Variants in RBPJ observed in about 807,000 individuals in gnomAD.
The protein encoded by RBPJ is recombination signal binding protein for immunoglobulin kappa J region, also known as recombining binding protein suppressor of hairless.
In RBPJ, 9 loss-of-function variants were observed where a neutral mutation model predicts 67.8. The observed-to-expected ratio is 0.13, with a 90% confidence interval of 0.08 to 0.23. The LOEUF (loss-of-function observed/expected upper bound fraction) is 0.23, where lower values mean the gene tolerates loss of function less well. Among genes scored for constraint, RBPJ ranks in the 10% least tolerant of loss-of-function variants. The pLI, the probability that RBPJ is intolerant of heterozygous loss-of-function variation, is 1.00. For synonymous variants in RBPJ, 198 were observed against 203.3 expected, an observed-to-expected ratio of 0.97 and a Z score of 0.22; for missense variants, 305 against 595.6, an observed-to-expected ratio of 0.51 and a Z score of 5.08.
chr4:26,316,482 C>CATAT (rs1315318845), upstream of RBPJ, among the ~76,000 whole-genome samples: 1 of 73,810 alleles, frequency 1.4e-5, no homozygotes, highest in Non-Finnish European at 2.6e-5. Flanking sequence ...TTCATATATA[C>CATAT]ATATTCATAT....
chr4:26,350,394 T>TTTCA (rs1045424598), intron 1 of RBPJ, among the ~76,000 whole-genome samples: 4 of 151,148 alleles, frequency 2.6e-5, no homozygotes, highest in Admixed American at 2.6e-4. Flanking sequence ...CCAAGTCATA[T>TTTCA]TTCAGTCTTT....
At position 26,346,778 on chromosome 4, in the gene RBPJ, G is replaced by A. The variant is rs1726195979; in HGVS notation, c.20+25730G>A. On this transcript the variant is annotated intron_variant, in intron 1 of 10. Coordinates refer to ENST00000355476, the MANE Select transcript of RBPJ (RefSeq NM_015874.6). ...AGGCCGAGGCGGGTGGATCACCTGAGGTCAGGAGTTTGAGACCAGCCTGGC... is the reference window on the plus strand; with the variant it reads ...AGGCCGAGGCGGGTGGATCACCTGAAGTCAGGAGTTTGAGACCAGCCTGGC... Among the ~76,000 whole-genome samples, 5 of 152,262 alleles carry A rather than the reference G, an allele frequency of 3.3e-5. No individual in the cohort carries two copies. The South Asian group carries it at 1.0e-3, about 32-fold the overall frequency.
At position 26,406,217 on chromosome 4, in the gene RBPJ, A is replaced by G. The variant is rs745827244; in HGVS notation, c.102A>G (p.Thr34=). The stretch of plus-strand genomic sequence containing the variant: ...ATTTAAAAGAGCGAGGGGATCAAAC[A>G]GTACTTATTCTTCATGCAAAAGTTG... ...RNYLKERGDQ[T]VLILHAKVAQ... The change falls in exon 3 of 11, where the codon ACA becomes ACG. Residue 34 remains threonine (T), a synonymous_variant. Transcript: ENST00000355476. The G allele has an allele frequency of 6.2e-7, 1 of 1,613,042 alleles. No individual in the cohort carries two copies. Among genetic ancestry groups the G allele is most frequent in the East Asian group, 2.2e-5 (1 of 44,820 alleles).
chr4:26,107,105 A>G, the RBPJ span, among the ~76,000 whole-genome samples: 12 of 152,362 alleles, frequency 7.9e-5, no homozygotes, highest in Non-Finnish European at 5.9e-5. Context: ...GTAGTAAAAA[A>G]GAATTGAGAG....
chr4:26,318,467 TACGGAAAGGTG>T (rs1224040639), upstream of RBPJ, among the ~76,000 whole-genome samples: 1 of 151,804 alleles, frequency 6.6e-6, no homozygotes, highest in African/African-American at 2.4e-5. Flanking sequence ...GCAATAAAAA[TACGGAAAGGTG>T]ACGGAAAGCA....
rs1296928674 is a variant in RBPJ at position 26,351,411 on chromosome 4, G to T, written c.20+30363G>T. On this transcript the variant is annotated intron_variant, in intron 1 of 10. Coordinates refer to ENST00000355476, the MANE Select transcript of RBPJ (RefSeq NM_015874.6). Reference sequence around the variant, plus strand: ...AGAATGCTTTGTTTATTTTTTGGTGGGGGGTGGGTGACTGGGTCTTGCCCT... The same window carrying T: ...AGAATGCTTTGTTTATTTTTTGGTGTGGGGTGGGTGACTGGGTCTTGCCCT... 3.3e-5 allele frequency among the ~76,000 whole-genome samples: 5 copies of T among 152,112 alleles called. No homozygotes were observed. The East Asian group carries it at 9.6e-4, about 29-fold the overall frequency.
chr4:26,183,708 T>C (rs1560200865), intron 1 of RBPJ, among the ~76,000 whole-genome samples: 1 of 152,104 alleles, frequency 6.6e-6, no homozygotes. Context: ...AGATGGTCTG[T>C]CCTGTTAAAG....
intron 1 of RBPJ, among the ~76,000 whole-genome samples, chr4:26,197,157 G>A (rs560309139): frequency 3.9e-5 from 6 of 152,286 alleles, no homozygotes; most frequent in South Asian, 2.1e-4. Context: ...GATCAAGTAA[G>A]TGGACTTCAA....
chr4:26,205,900 A>T (rs922975661), intron 1 of RBPJ, among the ~76,000 whole-genome samples: 2 of 152,112 alleles, frequency 1.3e-5, no homozygotes, highest in Admixed American at 6.6e-5. Flanking sequence ...GCCTAAAAAA[A>T]TTTTTTAAGA....
intron 1 of RBPJ, among the ~76,000 whole-genome samples, chr4:26,239,738 G>T (rs1719572847): frequency 6.6e-6 from 1 of 151,340 alleles, no homozygotes; most frequent in Non-Finnish European, 1.5e-5. Flanking sequence ...GGGGAGGGGA[G>T]GGGAGGGGAG....
At chr4:26,243,925 C>T (rs948830466) in intron 1 of RBPJ, among the ~76,000 whole-genome samples, 3 of 151,672 alleles carry the variant, frequency 2.0e-5, no homozygotes, top group African/African-American at 7.3e-5. Context: ...TGAAATTCGT[C>T]TCTACAAAAA....
chr4:26,302,139 T>G (rs1012648017), intron 1 of RBPJ, among the ~76,000 whole-genome samples: 1 of 152,186 alleles, frequency 6.6e-6, no homozygotes, highest in Non-Finnish European at 1.5e-5. Context: ...TTGCACAGAT[T>G]GTTAGAAGAG....
chr4:26,173,387 C>T (rs1048011339), intron 1 of RBPJ, among the ~76,000 whole-genome samples: 5 of 152,146 alleles, frequency 3.3e-5, no homozygotes, highest in East Asian at 1.9e-4. Context: ...CTGCCCACCT[C>T]GGCCTCCCAA....
chr4:26,129,159 T>C, the RBPJ span, among the ~76,000 whole-genome samples: 1 of 152,192 alleles, frequency 6.6e-6, no homozygotes, highest in South Asian at 2.1e-4. Context: ...AATGATGTCA[T>C]TCCCATTTTA....
intron 1 of RBPJ, among the ~76,000 whole-genome samples, chr4:26,176,963 C>G (rs1040775560): frequency 6.6e-6 from 1 of 152,198 alleles, no homozygotes; most frequent in African/African-American, 2.4e-5. Flanking sequence ...GAGTGTCCTG[C>G]TAGAACCTTT....
At chr4:26,292,726 T>A (rs1721712657) in intron 1 of RBPJ, among the ~76,000 whole-genome samples, 1 of 150,544 alleles carries the variant, frequency 6.6e-6, no homozygotes, top group African/African-American at 2.4e-5. Context: ...CTGGCCAAAA[T>A]CCTAACAGAA....
the RBPJ span, among the ~76,000 whole-genome samples, chr4:26,135,192 C>A: frequency 2.0e-5 from 3 of 152,164 alleles, no homozygotes; most frequent in African/African-American, 7.2e-5. Flanking sequence ...TTAAGAGGGT[C>A]TACATCTCTC....
At chr4:26,305,302 T>C (rs1722197530) in intron 1 of RBPJ, among the ~76,000 whole-genome samples, 1 of 152,234 alleles carries the variant, frequency 6.6e-6, no homozygotes, top group Admixed American at 6.5e-5. Context: ...TTTTCAAGAT[T>C]GTTTGGCTAT....
At chr4:26,386,281 G>A (rs951696935) in intron 1 of RBPJ, 72 bp from the exon 2 acceptor site, 2 of 1,002,920 alleles carry the variant, frequency 2.0e-6, no homozygotes, top group African/African-American at 3.3e-5. Context: ...ATTTTATGAT[G>A]CCTGAAAAGC....
Sources: gnomAD v4.1 joint callset for allele counts (sites outside exome capture counted in the v4.1 genomes callset) on GRCh38, gnomAD v4.1.1 for gene constraint, MANE v1.5 for transcripts, NCBI Gene and HGNC (gene_info 2026-07-23, HGNC 2026-07-21) for gene names.